Variants in TRABD2B observed in about 807,000 individuals in gnomAD.
TRABD2B encodes TraB domain containing 2B, also known as metalloprotease TIKI2.
Under a neutral mutation model 40.1 loss-of-function variants are expected in TRABD2B, and 14 were observed. That is an observed-to-expected ratio of 0.35 (90% CI 0.23 to 0.55). The LOEUF is 0.55. Ranked by LOEUF, TRABD2B falls within the 20% of genes least tolerant of loss-of-function variation. The probability of loss-of-function intolerance (pLI) is 0.90; values close to 1 mark genes in which losing one functional copy is unlikely to be tolerated. For missense variants in TRABD2B, 541 were observed against 648.6 expected (o/e 0.83, Z 1.80); for synonymous variants, 263 against 277.0 (o/e 0.95, Z 0.50).
intron 2 of TRABD2B, among the ~76,000 whole-genome samples, chr1:47,955,323 C>T (rs1645403313): frequency 1.3e-5 from 2 of 152,230 alleles, no homozygotes; most frequent in South Asian, 4.1e-4. Flanking sequence ...TCCACCACCT[C>T]TCCCAAATCC....
intron 2 of TRABD2B, among the ~76,000 whole-genome samples, chr1:47,968,411 A>T (rs1043998681): frequency 2.6e-5 from 4 of 152,340 alleles, no homozygotes; most frequent in Admixed American, 2.6e-4. Context: ...GGACCTTGGG[A>T]GTGAGCTGCC....
At chr1:47,936,694 C>G (rs151245728) in intron 2 of TRABD2B, among the ~76,000 whole-genome samples, 1 of 152,168 alleles carries the variant, frequency 6.6e-6, no homozygotes, top group East Asian at 1.9e-4. Context: ...CTGTTTCCTC[C>G]GCTTATGAGC....
At chr1:47,779,522 G>A (rs1644492095) in intron 4 of TRABD2B, among the ~76,000 whole-genome samples, 1 of 152,230 alleles carries the variant, frequency 6.6e-6, no homozygotes, top group South Asian at 2.1e-4. Context: ...GTGTTGGAAT[G>A]CAGGCTTGAT....
At chr1:47,983,839 C>T (rs1048549780) in intron 2 of TRABD2B, among the ~76,000 whole-genome samples, 1 of 151,298 alleles carries the variant, frequency 6.6e-6, no homozygotes, top group Non-Finnish European at 1.5e-5. Flanking sequence ...CGCGGTCGTG[C>T]ATGTGAAAAG....
chr1:47,802,990 C>T (rs184102404), intron 2 of TRABD2B, among the ~76,000 whole-genome samples: 1 of 152,170 alleles, frequency 6.6e-6, no homozygotes, highest in African/African-American at 2.4e-5. Context: ...CCTCCAAATA[C>T]TAAAATACTC....
chr1:47,908,237 T>A (rs1644704600), intron 2 of TRABD2B, among the ~76,000 whole-genome samples: 1 of 152,184 alleles, frequency 6.6e-6, no homozygotes, highest in African/African-American at 2.4e-5. Flanking sequence ...AGACACAGAC[T>A]TGCAAAGGGA....
chr1:47,862,549 T>C (rs1038092248), intron 2 of TRABD2B, among the ~76,000 whole-genome samples: 1 of 151,922 alleles, frequency 6.6e-6, no homozygotes, highest in African/African-American at 2.4e-5. Flanking sequence ...ATGCACAAGA[T>C]ATATATGAGA....
intron 2 of TRABD2B, among the ~76,000 whole-genome samples, chr1:47,809,695 C>A (rs1279841280): frequency 6.6e-6 from 1 of 152,192 alleles, no homozygotes; most frequent in Non-Finnish European, 1.5e-5. Flanking sequence ...GTTCAGTATT[C>A]CGAGTCTCCT....
At chr1:47,870,558 G>C (rs939626472) in intron 2 of TRABD2B, among the ~76,000 whole-genome samples, 1 of 152,078 alleles carries the variant, frequency 6.6e-6, no homozygotes, top group African/African-American at 2.4e-5. Flanking sequence ...TTACTCATGC[G>C]CACGTCCCCT....
chr1:47,775,337 G>A lies in TRABD2B; in HGVS notation c.1182C>T (p.Pro394=). 1 of 1,242,256 alleles carries A rather than the reference G, an allele frequency of 8.0e-7. No homozygotes were observed. The highest frequency in any genetic ancestry group is 1.5e-5 in the African/African-American group (1 of 64,796). The allele number at this position is 1,242,256 out of a possible 1,614,324, so 77.0% of individuals were successfully genotyped here. The change falls in exon 6 of 7, where the codon CCC becomes CCT. Residue 394 remains proline (P), a synonymous_variant. Transcript: ENST00000606738. ...AAVPEAPSVT[P]TAPPEDEDPA... is the part of the protein sequence containing the mutation. ...GATCCTCATCCTCTGGTGGGGCGGTGGGGGTCACAGAGGGTGCTTCGGGGA... is the reference window on the plus strand; with the variant it reads ...GATCCTCATCCTCTGGTGGGGCGGTAGGGGTCACAGAGGGTGCTTCGGGGA...
chr1:47,858,310 T>G lies in TRABD2B; in HGVS notation c.667-56691A>C, dbSNP rs548424702. Among the ~76,000 whole-genome samples, 17 of 152,032 alleles carry G rather than the reference T, an allele frequency of 1.1e-4. No individual in the cohort carries two copies. The South Asian group carries it at 3.3e-3, about 30-fold the overall frequency. On this transcript the variant is annotated intron_variant, in intron 2 of 6. Transcript: ENST00000606738. ...TCTTGCTCCATCACCCAGGCTGGTG[T>G]GCAGTGGTGCAATCACAGCTCACTG...
intron 2 of TRABD2B, among the ~76,000 whole-genome samples, chr1:47,978,777 C>T (rs1166357890): frequency 2.6e-5 from 4 of 152,312 alleles, no homozygotes; most frequent in East Asian, 3.9e-4. Flanking sequence ...CCTCGCTCCT[C>T]CCCGGTGCCC....
intron 2 of TRABD2B, among the ~76,000 whole-genome samples, chr1:47,939,182 C>T (rs1307636541): frequency 6.6e-6 from 1 of 151,884 alleles, no homozygotes; most frequent in Admixed American, 6.6e-5. Flanking sequence ...GTAAGTTCCA[C>T]TTTCGATTAG....
At chr1:47,821,648 C>T (rs746044512) in intron 2 of TRABD2B, among the ~76,000 whole-genome samples, 5 of 152,118 alleles carry the variant, frequency 3.3e-5, no homozygotes, top group Non-Finnish European at 7.4e-5. Flanking sequence ...ATGCTTTTCA[C>T]ACTGAGCTTG....
At chr1:47,779,157 T>C (rs1644486866) in intron 4 of TRABD2B, among the ~76,000 whole-genome samples, 2 of 152,226 alleles carry the variant, frequency 1.3e-5, no homozygotes, top group Admixed American at 6.5e-5. Flanking sequence ...CAGCACCTAC[T>C]GGCTGGATTC....
Position 47,826,745 on chromosome 1 carries a change from T to A in TRABD2B, c.667-25126A>T, listed in dbSNP as rs1278223806. On this transcript the variant is annotated intron_variant, in intron 2 of 6. Coordinates refer to ENST00000606738, the MANE Select transcript of TRABD2B (RefSeq NM_001194986.2). ...CGTGCCATCATGCCTGGCTAATTTT[T>A]AATTTTTAGTGGAGACGTGATCTTG... Among the ~76,000 whole-genome samples, 4 of 152,188 alleles carry A rather than the reference T, an allele frequency of 2.6e-5. No individual in the cohort carries two copies. In the East Asian group the frequency reaches 7.7e-4, roughly 29 times the overall value.
At chr1:47,786,428 C>A (rs928046250) in intron 4 of TRABD2B, among the ~76,000 whole-genome samples, 1 of 152,226 alleles carries the variant, frequency 6.6e-6, no homozygotes, top group African/African-American at 2.4e-5. Context: ...AGGGTGAGGG[C>A]TGGCTCCAGC....
rs1646054345 is a variant in TRABD2B at position 47,994,198 on chromosome 1, G to A, written c.502C>T (p.Leu168Phe). 1.1e-5 allele frequency: 17 copies of A among 1,544,418 alleles called. No individual in the cohort carries two copies. Among genetic ancestry groups the A allele is most frequent in the Non-Finnish European group, 1.3e-5 (15 of 1,150,814 alleles). Residue 168 changes from leucine to phenylalanine, a missense_variant, in exon 2 of 7, where the codon CTC becomes TTC. By Grantham distance (22) the Leu-to-Phe change is conservative. Transcript: ENST00000606738. The surrounding 1 kb of genome is among the most constrained non-coding windows in gnomAD (Gnocchi z 6.7). ...CTCTCTGTGAGCGAGTTTACCATGAGCATCACCCAGACGGGCCTCTTGCGC... is the reference window on the plus strand; with the variant it reads ...CTCTCTGTGAGCGAGTTTACCATGAACATCACCCAGACGGGCCTCTTGCGC... ...WERKRPVWVM[L>F]MVNSLTERDV... is the part of the protein sequence containing the mutation.
rs1051961418 is a variant in TRABD2B at position 47,869,447 on chromosome 1, A to G, written c.667-67828T>C. Reference sequence around the variant, plus strand: ...GGTGTGATCACCGATTTAAGCAAACATGCGCCACGGTGGTCCGCAAAAGAA... The same window carrying G: ...GGTGTGATCACCGATTTAAGCAAACGTGCGCCACGGTGGTCCGCAAAAGAA... On this transcript the variant is annotated intron_variant, in intron 2 of 6. Coordinates refer to ENST00000606738, the MANE Select transcript of TRABD2B (RefSeq NM_001194986.2). Among the ~76,000 whole-genome samples the G allele has an allele frequency of 4.6e-5, 7 of 152,342 alleles. No homozygotes were observed. In the South Asian group the frequency reaches 1.2e-3, roughly 27 times the overall value.
Sources: allele counts gnomAD v4.1 joint callset (sites outside exome capture counted in the v4.1 genomes callset), GRCh38; gene constraint gnomAD v4.1.1; non-coding constraint Gnocchi (gnomAD v3.1); transcripts MANE v1.5; gene names NCBI Gene and HGNC (gene_info 2026-07-23, HGNC 2026-07-21).